CHSY3: variants seen among roughly 807,000 people sequenced by gnomAD.
CHSY3 encodes N-acetylgalactosaminyl-proteoglycan 3-beta-glucuronosyltransferase 3.
In CHSY3, 35 loss-of-function variants were observed where a neutral mutation model predicts 67.2. The observed-to-expected ratio is 0.52, with a 90% CI of 0.40 to 0.69. The LOEUF is 0.69. CHSY3 is among the 30% of genes least tolerant of loss of function. The pLI is 0.00. For synonymous variants in CHSY3, 474 were observed against 434.7 expected (o/e 1.09, Z -1.12); for missense variants, 1,069 against 1,138.5 (o/e 0.94, Z 0.88).
At chr5:130,078,929 A>G (rs968456582) in intron 2 of CHSY3, among the ~76,000 whole-genome samples, 1 of 152,106 alleles carries the variant, frequency 6.6e-6, no homozygotes, top group Non-Finnish European at 1.5e-5. Flanking sequence ...TTAATCACCC[A>G]TCCCTCTGAG....
chr5:130,006,814 T>G (rs572685165), intron 2 of CHSY3, among the ~76,000 whole-genome samples: 1 of 152,208 alleles, frequency 6.6e-6, no homozygotes, highest in Non-Finnish European at 1.5e-5. Context: ...AAAAAATTTA[T>G]CTAATCCCAT....
chr5:129,921,426 A>G (rs1760921448), intron 2 of CHSY3, among the ~76,000 whole-genome samples: 1 of 152,202 alleles, frequency 6.6e-6, no homozygotes, highest in Admixed American at 6.5e-5. Flanking sequence ...CCTGGGCAGG[A>G]TGGAACAAGA....
At chr5:130,086,137 A>G (rs1766612767) in intron 2 of CHSY3, among the ~76,000 whole-genome samples, 2 of 152,200 alleles carry the variant, frequency 1.3e-5, no homozygotes, top group South Asian at 4.1e-4. Context: ...CGCTTGGTGC[A>G]GAGCTGAGTT....
chr5:129,975,610 T>A (rs1432954861), intron 2 of CHSY3, among the ~76,000 whole-genome samples: 1 of 152,208 alleles, frequency 6.6e-6, no homozygotes, highest in Non-Finnish European at 1.5e-5. Context: ...TTTTTAAATT[T>A]TATAAACCAT....
chr5:130,168,885 T>C (rs1769822100), intron 2 of CHSY3, among the ~76,000 whole-genome samples: 1 of 152,098 alleles, frequency 6.6e-6, no homozygotes, highest in Non-Finnish European at 1.5e-5. Context: ...CGTCACTAAA[T>C]AGTTAGCTCC....
intron 2 of CHSY3, among the ~76,000 whole-genome samples, chr5:129,985,951 T>C (rs1763187723): frequency 6.6e-6 from 1 of 151,992 alleles, no homozygotes; most frequent in African/African-American, 2.4e-5. Flanking sequence ...CTAGGTATAG[T>C]ATCATAGTAT....
chr5:130,103,468 C>A (rs1410715367), intron 2 of CHSY3, among the ~76,000 whole-genome samples: 6 of 151,926 alleles, frequency 3.9e-5, no homozygotes. Context: ...TTATGTGCTG[C>A]AGTTTTATTA....
chr5:130,043,616 T>G (rs1040193734), intron 2 of CHSY3, among the ~76,000 whole-genome samples: 2 of 152,154 alleles, frequency 1.3e-5, no homozygotes, highest in African/African-American at 4.8e-5. Context: ...TGTAGGACAT[T>G]GACGATACAA....
intron 2 of CHSY3, among the ~76,000 whole-genome samples, chr5:129,942,951 GA>G (rs2149595851): frequency 6.6e-6 from 1 of 152,212 alleles, no homozygotes; most frequent in Non-Finnish European, 1.5e-5. Flanking sequence ...GGATGTAAAA[GA>G]GTGACATTTG....
intron 2 of CHSY3, among the ~76,000 whole-genome samples, chr5:129,976,814 C>T (rs1464613485): frequency 2.0e-5 from 3 of 151,588 alleles, no homozygotes; most frequent in Non-Finnish European, 4.4e-5. Context: ...TTATGACAGG[C>T]TCTGTCTGGG....
At chr5:130,049,895 T>C (rs1179614830) in intron 2 of CHSY3, among the ~76,000 whole-genome samples, 1 of 151,992 alleles carries the variant, frequency 6.6e-6, no homozygotes, top group African/African-American at 2.4e-5. Flanking sequence ...GGGATCACCA[T>C]TTTGCTCTTT....
chr5:130,119,977 C>T (rs543801088), intron 2 of CHSY3, among the ~76,000 whole-genome samples: 2 of 152,238 alleles, frequency 1.3e-5, no homozygotes, highest in African/African-American at 4.8e-5. Flanking sequence ...GCTTCTTTTT[C>T]CTTTTGTTCT....
At chr5:130,019,017 C>G (rs1261993441) in intron 2 of CHSY3, among the ~76,000 whole-genome samples, 1 of 152,108 alleles carries the variant, frequency 6.6e-6, no homozygotes, top group Admixed American at 6.5e-5. Flanking sequence ...AGAAACCAAG[C>G]AGATGCTGAC....
At chr5:129,952,754 A>G (rs1347390920) in intron 2 of CHSY3, among the ~76,000 whole-genome samples, 5 of 152,204 alleles carry the variant, frequency 3.3e-5, no homozygotes, top group Non-Finnish European at 5.9e-5. Flanking sequence ...AAACACTAAT[A>G]AAGATAGGAT....
chr5:130,008,580 A>G (rs754129280), intron 2 of CHSY3, among the ~76,000 whole-genome samples: 1 of 152,204 alleles, frequency 6.6e-6, no homozygotes, highest in Non-Finnish European at 1.5e-5. Flanking sequence ...TCTTCCTCCA[A>G]ACAACCCACT....
chr5:130,097,133 T>C (rs1220870694), intron 2 of CHSY3, among the ~76,000 whole-genome samples: 2 of 152,240 alleles, frequency 1.3e-5, no homozygotes, highest in Admixed American at 1.3e-4. Context: ...TTATCCAGAC[T>C]GTTAGATAGT....
At chr5:130,051,675 T>A (rs1765362508) in intron 2 of CHSY3, among the ~76,000 whole-genome samples, 1 of 151,850 alleles carries the variant, frequency 6.6e-6, no homozygotes, top group Admixed American at 6.6e-5. Context: ...GAAAAAAACT[T>A]ATGGGAAAAA....
intron 1 of CHSY3, among the ~76,000 whole-genome samples, chr5:129,906,384 G>T (rs1760300955): frequency 6.6e-6 from 1 of 152,158 alleles, no homozygotes; most frequent in African/African-American, 2.4e-5. Context: ...GAAAGCACCC[G>T]CTAATAAGCC....
At chr5:130,087,811 C>G (rs1272780136) in intron 2 of CHSY3, among the ~76,000 whole-genome samples, 1 of 151,346 alleles carries the variant, frequency 6.6e-6, no homozygotes, top group Non-Finnish European at 1.5e-5. Flanking sequence ...TTTATAGATT[C>G]AATGCCATCC....
Sources: gnomAD v4.1 joint callset for allele counts (sites outside exome capture counted in the v4.1 genomes callset) on GRCh38, gnomAD v4.1.1 for gene constraint, MANE v1.5 for transcripts, NCBI Gene and HGNC (gene_info 2026-07-23, HGNC 2026-07-21) for gene names.